Variants in SLC1A4 observed in about 807,000 individuals in gnomAD.
The protein encoded by SLC1A4 is solute carrier family 1 member 4.
A neutral mutation model predicts 37.7 loss-of-function variants in SLC1A4; 19 were observed. The observed-to-expected ratio is 0.50, with a 90% CI of 0.35 to 0.74. The LOEUF is 0.74. Ranked by LOEUF, SLC1A4 falls within the 30% of genes least tolerant of loss-of-function variation. The pLI is 0.01. For synonymous variants in SLC1A4, 299 were observed against 309.8 expected, an observed-to-expected ratio of 0.97 and a Z score of 0.37; for missense variants, 570 against 712.9, an observed-to-expected ratio of 0.80 and a Z score of 2.28.
chr2:65,001,407 G>T, intron 1 of SLC1A4, 41 bp from the exon 2 acceptor site: 1 of 1,600,124 alleles, frequency 6.2e-7, no homozygotes, highest in Non-Finnish European at 8.6e-7. Flanking sequence ...CTAAAAAATT[G>T]TTTTAAAAGA....
intron 3 of SLC1A4, among the ~76,000 whole-genome samples, chr2:65,007,739 T>C (rs1468726661): frequency 6.6e-6 from 1 of 152,228 alleles, no homozygotes; most frequent in Non-Finnish European, 1.5e-5. Context: ...TGGGGGTACA[T>C]GTGATAATGT....
At chr2:65,009,764 T>C (rs1673839090) in intron 3 of SLC1A4, among the ~76,000 whole-genome samples, 1 of 152,242 alleles carries the variant, frequency 6.6e-6, no homozygotes, top group Non-Finnish European at 1.5e-5. Flanking sequence ...AGTATGTCTA[T>C]GCATTTTAAG....
In SLC1A4 at chr2:65,020,671, G is replaced by T. The variant is rs7559886; in HGVS notation, c.1365-241G>T. Among the ~76,000 whole-genome samples the T allele has an allele frequency of 1, 152,384 of 152,384 alleles. 76,192 individuals are homozygous for T. The highest frequency in any genetic ancestry group is 1 in the Non-Finnish European group (68,044 of 68,044). On this transcript the variant is annotated intron_variant, in intron 7 of 7. Transcript: ENST00000234256. Reference sequence around the variant, plus strand: ...ATGGGCATACAGATTCACTCAGTTGGGGACTAGGGGTGAGTGGCTTGTTTG... The same window carrying T: ...ATGGGCATACAGATTCACTCAGTTGTGGACTAGGGGTGAGTGGCTTGTTTG...
chr2:65,022,379 T>C lies in SLC1A4; in HGVS notation c.*1233T>C, dbSNP rs1674461552. On this transcript the variant is annotated 3_prime_UTR_variant, in exon 8 of 8. Coordinates refer to ENST00000234256, the MANE Select transcript of SLC1A4 (RefSeq NM_003038.5). ...TGCTGTTTGTGGCTGTTGATGCATA[T>C]TCGTGATGTAACAGGTCCTGGGGCC... 1 of 152,252 alleles carries C rather than the reference T, an allele frequency of 6.6e-6. No individual in the cohort carries two copies. The highest frequency in any genetic ancestry group is 6.5e-5 in the Admixed American group (1 of 15,282). The allele number at this position is 152,252 out of a possible 1,614,324, so 9.4% of individuals were successfully genotyped here.
intron 3 of SLC1A4, among the ~76,000 whole-genome samples, chr2:65,007,753 A>G (rs1673744233): frequency 6.6e-6 from 1 of 152,258 alleles, no homozygotes; most frequent in Non-Finnish European, 1.5e-5. Context: ...ATAATGTAAT[A>G]CATTAATATA....
intron 3 of SLC1A4, among the ~76,000 whole-genome samples, chr2:65,005,208 T>C (rs930550915): frequency 3.3e-5 from 5 of 152,192 alleles, no homozygotes; most frequent in Non-Finnish European, 1.5e-5. Context: ...CTGGGGGATG[T>C]AGGAAAGTCT....
chr2:65,008,680 A>G (rs1443760585), intron 3 of SLC1A4, among the ~76,000 whole-genome samples: 2 of 152,314 alleles, frequency 1.3e-5, no homozygotes, highest in South Asian at 2.1e-4. Context: ...CTTATTGTCT[A>G]TGGAATTAAA....
rs571791162 is a variant in SLC1A4 at position 65,012,000 on chromosome 2, C to G, written c.800+1237C>G. 2.6e-5 allele frequency among the ~76,000 whole-genome samples: 4 copies of G among 151,784 alleles called. No homozygotes were observed. In the South Asian group the frequency reaches 8.3e-4, roughly 32 times the overall value. ...GCCAGGCTGGTCTCTAACTCCTGAC[C>G]TCAGGCGATCCGCCTGCCTCAGCCT... On this transcript the variant is annotated intron_variant, in intron 4 of 7. Transcript: ENST00000234256.
intron 1 of SLC1A4, among the ~76,000 whole-genome samples, chr2:64,993,954 G>A (rs559463836): frequency 9.2e-5 from 14 of 152,230 alleles, no homozygotes; most frequent in Non-Finnish European, 1.8e-4. Context: ...AGCTAATGGG[G>A]ATGGCCCTCT....
rs182812209 is a variant in SLC1A4, at chr2:65,015,904, T to G, written c.801-536T>G. Among the ~76,000 whole-genome samples the G allele has an allele frequency of 1.2e-3, 184 of 152,376 alleles. 2 individuals carry two copies. The highest frequency in any genetic ancestry group is 1.8e-3 in the Non-Finnish European group (122 of 68,030). ...TTAAAAAACTCTCACGCTCCAGGCG[T>G]GTTCCCAGAGTGTCATTGTTAATGA... On this transcript the variant is annotated intron_variant, in intron 4 of 7. Coordinates refer to ENST00000234256, the MANE Select transcript of SLC1A4 (RefSeq NM_003038.5).
At chr2:64,991,720 C>G (rs1362082680) in intron 1 of SLC1A4, among the ~76,000 whole-genome samples, 1 of 152,220 alleles carries the variant, frequency 6.6e-6, no homozygotes, top group Non-Finnish European at 1.5e-5. Context: ...CCTGCCTCAG[C>G]CTCCCGAGTA....
intron 7 of SLC1A4, among the ~76,000 whole-genome samples, chr2:65,019,377 A>C (rs1674316425): frequency 6.6e-6 from 1 of 152,152 alleles, no homozygotes; most frequent in South Asian, 2.1e-4. Context: ...TTTGCCATCT[A>C]GTAGTTGTGT....
intron 1 of SLC1A4, among the ~76,000 whole-genome samples, chr2:64,996,946 G>A (rs1412199797): frequency 6.6e-6 from 1 of 152,138 alleles, no homozygotes; most frequent in Non-Finnish European, 1.5e-5. Flanking sequence ...AGCTGATCCC[G>A]GATTAGAAGA....
chr2:65,021,870 A>G lies in SLC1A4; in HGVS notation c.*724A>G, dbSNP rs1674441259. On this transcript the variant is annotated 3_prime_UTR_variant, in exon 8 of 8. Coordinates refer to ENST00000234256, the MANE Select transcript of SLC1A4 (RefSeq NM_003038.5). ...GAGAAGCGGGGCAGAGGGTTCTCTA[A>G]TCTAATCAGGACAGGACAGGTTTCA... 6.6e-6 allele frequency: 1 copy of G among 152,448 alleles called. No individual in the cohort carries two copies. Among genetic ancestry groups the G allele is most frequent in the Non-Finnish European group, 1.5e-5 (1 of 68,236 alleles). 9.4% of individuals were successfully genotyped at this position (152,448 alleles called of 1,614,324 possible).
intron 1 of SLC1A4, among the ~76,000 whole-genome samples, chr2:64,994,511 G>C (rs1673177206): frequency 1.3e-5 from 2 of 152,204 alleles, no homozygotes; most frequent in Non-Finnish European, 2.9e-5. Context: ...ATACAATTAG[G>C]ATTTTGTCTG....
intron 2 of SLC1A4, among the ~76,000 whole-genome samples, chr2:65,002,687 C>G (rs1481005897): frequency 6.6e-6 from 1 of 150,430 alleles, no homozygotes; most frequent in Non-Finnish European, 1.5e-5. Flanking sequence ...ACGCCATTCT[C>G]CTGCCTCAGC....
At chr2:64,995,998 C>T (rs192547295) in intron 1 of SLC1A4, among the ~76,000 whole-genome samples, 4 of 152,270 alleles carry the variant, frequency 2.6e-5, no homozygotes, top group Admixed American at 6.5e-5. Flanking sequence ...CATTTCATAC[C>T]AGTTTTTCTG....
intron 1 of SLC1A4, among the ~76,000 whole-genome samples, chr2:64,995,689 G>A (rs561697689): frequency 6.6e-6 from 1 of 152,164 alleles, no homozygotes; most frequent in Non-Finnish European, 1.5e-5. Flanking sequence ...TATTTATCAG[G>A]TGTACATACC....
At chr2:65,010,797 C>T (rs1673889540) in intron 4 of SLC1A4, 34 bp downstream of exon 4, 1 of 1,585,324 alleles carries the variant, frequency 6.3e-7, no homozygotes, top group Admixed American at 1.8e-5. Flanking sequence ...TCTCTCTCTC[C>T]TTCCTCCTGC....
Sources: gnomAD v4.1 joint callset for allele counts (sites outside exome capture counted in the v4.1 genomes callset) on GRCh38, gnomAD v4.1.1 for gene constraint, MANE v1.5 for transcripts, NCBI Gene and HGNC (gene_info 2026-07-23, HGNC 2026-07-21) for gene names.